The following CEP290 variants were observed in gnomAD, a reference collection of about 807,000 sequenced individuals.
CEP290 encodes the protein centrosomal protein of 290 kDa.
A neutral mutation model predicts 344.9 loss-of-function variants in CEP290; 317 were observed. The observed-to-expected ratio is 0.92, with a 90% confidence interval of 0.84 to 1.01. The LOEUF (loss-of-function observed/expected upper bound fraction) is 1.01, where lower values mean the gene tolerates loss of function less well. CEP290 is among the 50% of genes least tolerant of loss of function. The pLI, the probability that CEP290 is intolerant of heterozygous loss-of-function variation, is 0.00. For synonymous variants in CEP290, 932 were observed against 895.8 expected, an observed-to-expected ratio of 1.04 and a Z score of -0.72; for missense variants, 2,754 against 2,761.4, an observed-to-expected ratio of 1.00 and a Z score of 0.06.
intron 39 of CEP290, 73 bp downstream of exon 39, chr12:88,079,019 A>G (rs922136536): frequency 7.7e-7 from 1 of 1,306,170 alleles, no homozygotes; most frequent in Non-Finnish European, 1.0e-6. Flanking sequence ...CAAAATTACT[A>G]TATATCATAG....
chr12:88,125,466 G>A (rs1462532913), intron 12 of CEP290, 97 bp from the exon 13 acceptor site: 1 of 520,990 alleles, frequency 1.9e-6, no homozygotes, highest in Non-Finnish European at 2.9e-6. Flanking sequence ...CAAGACTGTA[G>A]AACATATTTT....
At chr12:88,140,335 T>C (rs1342708903) in intron 3 of CEP290, among the ~76,000 whole-genome samples, 4 of 152,222 alleles carry the variant, frequency 2.6e-5, no homozygotes, top group Non-Finnish European at 5.9e-5. Flanking sequence ...TTTTTGTACC[T>C]ATCAATTGTG....
intron 38 of CEP290, 38 bp downstream of exon 38, chr12:88,080,144 T>C (rs376797544): frequency 2.5e-5 from 34 of 1,362,624 alleles, no homozygotes; most frequent in Non-Finnish European, 3.2e-5. Context: ...CTACCACATA[T>C]TTTTCCTAAA....
At chr12:88,135,640 A>G in intron 6 of CEP290, 1 of 152,302 alleles carries the variant, frequency 6.6e-6, no homozygotes, top group Middle Eastern at 3.4e-3. Context: ...AGTAAAATAC[A>G]TACATGAAGA....
At chr12:88,132,742 CTT>C (rs370553419) in intron 6 of CEP290, among the ~76,000 whole-genome samples, 94 of 152,226 alleles carry the variant, frequency 6.2e-4, no homozygotes, top group African/African-American at 1.9e-3. Flanking sequence ...TTCCCATCAA[CTT>C]TTAAGTTCTG....
chr12:88,126,089 G>GA (rs1159193963), intron 12 of CEP290, among the ~76,000 whole-genome samples: 1 of 151,902 alleles, frequency 6.6e-6, no homozygotes, highest in African/African-American at 2.4e-5. Context: ...CATAAACATA[G>GA]AAAAATAAAC....
In CEP290 at chr12:88,083,957, GT is replaced by G; in HGVS notation, c.4705-4del. The G allele has an allele frequency of 6.4e-7, 1 of 1,559,860 alleles. No homozygotes were observed. The highest frequency in any genetic ancestry group is 8.7e-7 in the Non-Finnish European group (1 of 1,143,750). On this transcript the variant is annotated splice_region_variant and splice_polypyrimidine_tract_variant and intron_variant, in intron 35 of 53. Coordinates refer to ENST00000552810, the MANE Select transcript of CEP290 (RefSeq NM_025114.4). ...TTCTTCACAATTTCTCTTTGCTCCT[GT>G]TTTACAGAAAATCGAAACTATATCT... is the stretch of plus-strand genomic sequence containing the variant.
At position 88,130,869 on chromosome 12, in the gene CEP290, AG is replaced by A. The variant is rs2040025761; in HGVS notation, c.495+295del. Among the ~76,000 whole-genome samples the A allele has an allele frequency of 3.3e-5, 5 of 152,136 alleles. No individual in the cohort carries two copies. The South Asian group carries it at 1.0e-3, about 31-fold the overall frequency. Reference sequence around the variant, plus strand: ...AAAATTTTAAAGGATTCTGGGTAAGAGAAATAAGAATAGAAATCCAGTCATC... The same window carrying A: ...AAAATTTTAAAGGATTCTGGGTAAGAAAATAAGAATAGAAATCCAGTCATC... On this transcript the variant is annotated intron_variant, in intron 7 of 53. Coordinates refer to ENST00000552810, the MANE Select transcript of CEP290 (RefSeq NM_025114.4).
In CEP290 at chr12:88,141,948, C is replaced by G. The variant is rs1307211352; in HGVS notation, c.-76G>C. ...GGAGGCCTCTCACTACCGCAACCACCAAGCTGGACCCGGCCGCGGGCCCTG... is the reference window on the plus strand; with the variant it reads ...GGAGGCCTCTCACTACCGCAACCACGAAGCTGGACCCGGCCGCGGGCCCTG... On this transcript the variant is annotated 5_prime_UTR_variant, in exon 1 of 54. Transcript: ENST00000552810. The G allele has an allele frequency of 6.6e-6, 1 of 152,498 alleles. No homozygotes were observed. Among genetic ancestry groups the G allele is most frequent in the Non-Finnish European group, 1.5e-5 (1 of 68,290 alleles). The allele number at this position is 152,498 out of a possible 1,614,324, so 9.4% of individuals were successfully genotyped here. A position where few individuals can be genotyped will look rare whatever the true frequency, so the allele number is the denominator to read the frequency against.
At chr12:88,123,107 C>A (rs1483177908) in intron 13 of CEP290, among the ~76,000 whole-genome samples, 1 of 152,014 alleles carries the variant, frequency 6.6e-6, no homozygotes, top group Admixed American at 6.6e-5. Context: ...CTAGTTAAGG[C>A]CAACCTCTTC....
rs755418283 is a variant in CEP290 at position 88,136,778 on chromosome 12, C to T, written c.306G>A (p.Gln102=). Residue 102 remains glutamine, a synonymous_variant, in exon 6 of 54, where the codon CAG becomes CAA. Transcript: ENST00000552810. Reference sequence around the variant, plus strand: ...GAGTATCTCGTCCACCTGCAGACTGCTGAGCCATCTTAAAGTAATAAACCC... The same window carrying T: ...GAGTATCTCGTCCACCTGCAGACTGTTGAGCCATCTTAAAGTAATAAACCC... ...MKLENELEMA[Q]QSAGGRDTRF... 1.1e-5 allele frequency: 17 copies of T among 1,613,492 alleles called. No individual in the cohort carries two copies. The highest frequency in any genetic ancestry group is 2.2e-5 in the East Asian group (1 of 44,844).
rs750520372 is a variant in CEP290 at position 88,080,291 on chromosome 12, G to A, written c.5117C>T (p.Ser1706Phe). 2 of 1,613,454 alleles carry A rather than the reference G, an allele frequency of 1.2e-6. No homozygotes were observed. Among genetic ancestry groups the A allele is most frequent in the African/African-American group, 1.3e-5 (1 of 74,884 alleles). ...QSQKESQCLK[S>F]ELQAQKEANS... ...TGCTTCTTTTTGAGCCTGAAGTTCA[G>A]ATTTTAAACACTGTGACTCCTTTTG... The change falls in exon 38 of 54, where the codon TCT (serine) becomes TTT (phenylalanine). Residue 1706 changes from serine (S) to phenylalanine (F), a missense_variant. Coordinates refer to ENST00000552810, the MANE Select transcript of CEP290 (RefSeq NM_025114.4).
At position 88,063,962 on chromosome 12, in the gene CEP290, T is replaced by C. The variant is rs1181927624; in HGVS notation, c.6270+19A>G. On this transcript the variant is annotated intron_variant, in intron 45 of 53. Coordinates refer to ENST00000552810, the MANE Select transcript of CEP290 (RefSeq NM_025114.4). Reference sequence around the variant, plus strand: ...GAGTTTTAGGCATTAGATTTCCTAATAAAAAACATTAAATTCACCTTTAAT... The same window carrying C: ...GAGTTTTAGGCATTAGATTTCCTAACAAAAAACATTAAATTCACCTTTAAT... 1.9e-6 allele frequency: 3 copies of C among 1,573,920 alleles called. No homozygotes were observed. Among genetic ancestry groups the C allele is most frequent in the African/African-American group, 1.4e-5 (1 of 73,196 alleles).
chr12:88,118,774 T>C lies in CEP290; in HGVS notation c.1523-31A>G, dbSNP rs1369650524. 9.3e-6 allele frequency: 14 copies of C among 1,508,832 alleles called. No homozygotes were observed. In the Admixed American group the frequency reaches 2.7e-4, roughly 29 times the overall value. 93.5% of individuals were successfully genotyped at this position (1,508,832 alleles called of 1,614,324 possible). A position where few individuals can be genotyped will look rare whatever the true frequency, so the allele number is the denominator to read the frequency against. Reference sequence around the variant, plus strand: ...ATAGAAAGCAATATAATTAAAAACTTAAAAACATTCAAATAAGCTGCAAAA... The same window carrying C: ...ATAGAAAGCAATATAATTAAAAACTCAAAAACATTCAAATAAGCTGCAAAA... On this transcript the variant is annotated intron_variant, in intron 15 of 53. Transcript: ENST00000552810.
At chr12:88,136,921 C>T in intron 5 of CEP290, 135 bp from the exon 6 acceptor site, 1 of 821,294 alleles carries the variant, frequency 1.2e-6, no homozygotes, top group Non-Finnish European at 1.9e-6. Context: ...ATCATATTAG[C>T]TTAAGAACTT....
chr12:88,116,018 G>A, intron 18 of CEP290: 4 of 985,274 alleles, frequency 4.1e-6, no homozygotes, highest in Non-Finnish European at 3.6e-6. Context: ...ATTTATCCAT[G>A]TCAGCTCTAT....
chr12:88,054,821 C>T (rs1282570358), intron 50 of CEP290, among the ~76,000 whole-genome samples: 2 of 152,074 alleles, frequency 1.3e-5, no homozygotes, highest in Non-Finnish European at 2.9e-5. Flanking sequence ...GAAGGTCTCT[C>T]TAAGGAGCCT....
chr12:88,104,965 C>G (rs971229275), intron 25 of CEP290, among the ~76,000 whole-genome samples: 1 of 152,088 alleles, frequency 6.6e-6, no homozygotes, highest in African/African-American at 2.4e-5. Flanking sequence ...CTGGAAATAA[C>G]AATATGAACT....
chr12:88,120,899 G>A, intron 14 of CEP290, 98 bp downstream of exon 14: 1 of 924,378 alleles, frequency 1.1e-6, no homozygotes, highest in Non-Finnish European at 1.6e-6. Flanking sequence ...GATACTTATG[G>A]AATGTTTTTT....
Sources: allele counts gnomAD v4.1 joint callset (sites outside exome capture counted in the v4.1 genomes callset), GRCh38; gene constraint gnomAD v4.1.1; transcripts MANE v1.5; gene names NCBI Gene and HGNC (gene_info 2026-07-23, HGNC 2026-07-21).